The following DPY19L3 variants were observed in gnomAD, a reference collection of about 807,000 sequenced individuals.
DPY19L3 encodes protein C-mannosyl-transferase DPY19L3.
DPY19L3 carries 51 observed loss-of-function variants against 92.3 expected under a neutral mutation model. That is an observed-to-expected ratio of 0.55 (90% CI 0.44 to 0.70). The LOEUF is 0.70. Ranked by LOEUF, DPY19L3 falls within the 30% of genes least tolerant of loss-of-function variation. DPY19L3 has a pLI of 0.00. For synonymous variants in DPY19L3, 309 were observed against 315.2 expected (o/e 0.98, Z 0.21); for missense variants, 706 against 855.9 (o/e 0.82, Z 2.18).
At chr19:32,438,997 G>A in intron 6 of DPY19L3, 115 bp from the exon 7 acceptor site, 1 of 1,083,192 alleles carries the variant, frequency 9.2e-7, no homozygotes, top group Non-Finnish European at 1.3e-6. Flanking sequence ...GAGAACCAGT[G>A]GCCAGAATCT....
intron 16 of DPY19L3, among the ~76,000 whole-genome samples, chr19:32,472,618 C>T (rs970515736): frequency 6.6e-5 from 10 of 151,200 alleles, no homozygotes; most frequent in Non-Finnish European, 7.4e-5. Flanking sequence ...TTAGAAAGCA[C>T]GTTTACCTCA....
intron 8 of DPY19L3, among the ~76,000 whole-genome samples, chr19:32,446,798 T>G (rs770635408): frequency 1.3e-5 from 2 of 152,088 alleles, no homozygotes; most frequent in Non-Finnish European, 2.9e-5. Context: ...CTCTGGACAA[T>G]TGATAGAACA....
intron 16 of DPY19L3, among the ~76,000 whole-genome samples, chr19:32,475,806 G>A (rs1359753300): frequency 6.6e-6 from 1 of 152,204 alleles, no homozygotes; most frequent in African/African-American, 2.4e-5. Flanking sequence ...GGGGAACAGA[G>A]CTAACATCTA....
chr19:32,475,072 G>A (rs1970465851), intron 16 of DPY19L3, among the ~76,000 whole-genome samples: 1 of 152,210 alleles, frequency 6.6e-6, no homozygotes, highest in Non-Finnish European at 1.5e-5. Context: ...AGTCCAGGAG[G>A]CAGGCTGAAA....
chr19:32,426,126 T>C (rs1459001266), intron 3 of DPY19L3, among the ~76,000 whole-genome samples: 2 of 152,236 alleles, frequency 1.3e-5, no homozygotes, highest in Non-Finnish European at 2.9e-5. Context: ...TGCACTTGTA[T>C]GTTAGGGAGA....
At position 32,423,188 on chromosome 19, in the gene DPY19L3, G is replaced by A. The variant is rs187328039; in HGVS notation, c.238-9528G>A. Among the ~76,000 whole-genome samples, 7 of 152,212 alleles carry A rather than the reference G, an allele frequency of 4.6e-5. No homozygotes were observed. The East Asian group carries it at 1.3e-3, about 29-fold the overall frequency. ...ATTAGTGATAGAACAAAATGTGTAT[G>A]ATATAAATAATGTTATATTAGGTAC... On this transcript the variant is annotated intron_variant, in intron 3 of 18. Transcript: ENST00000392250.
chr19:32,470,768 C>T (rs1220604912), intron 16 of DPY19L3, among the ~76,000 whole-genome samples: 1 of 131,272 alleles, frequency 7.6e-6, no homozygotes, highest in African/African-American at 2.8e-5. Flanking sequence ...TTGTAGTAGA[C>T]ATATTCCTTT....
At chr19:32,454,911 A>G in intron 9 of DPY19L3, 28 bp from the exon 10 acceptor site, 1 of 1,408,392 alleles carries the variant, frequency 7.1e-7, no homozygotes, top group Non-Finnish European at 9.7e-7. Context: ...AAACTTAAGA[A>G]TTAAAACATA....
intron 3 of DPY19L3, chr19:32,411,741 T>C (rs909681804): frequency 4.1e-6 from 1 of 243,178 alleles, no homozygotes; most frequent in African/African-American, 2.2e-5. Context: ...CTAATTTTTG[T>C]ATTTTTACTA....
At chr19:32,481,510 G>C (rs1294519732) in intron 18 of DPY19L3, 1 of 152,156 alleles carries the variant, frequency 6.6e-6, no homozygotes, top group Non-Finnish European at 1.5e-5. Flanking sequence ...AACCTTCCAG[G>C]CTCAAGTGAT....
intron 17 of DPY19L3, among the ~76,000 whole-genome samples, chr19:32,480,059 CTG>C (rs1970627055): frequency 6.6e-6 from 1 of 152,166 alleles, no homozygotes; most frequent in African/African-American, 2.4e-5. Flanking sequence ...AAGGTAGAGA[CTG>C]TGTCTTATTT....
chr19:32,416,853 CAA>C (rs1241893466), intron 3 of DPY19L3, among the ~76,000 whole-genome samples: 1 of 152,228 alleles, frequency 6.6e-6, no homozygotes, highest in African/African-American at 2.4e-5. Context: ...AGGCTGGACT[CAA>C]TCTCCAGCCC....
Position 32,464,654 on chromosome 19 carries a change from A to G in DPY19L3, c.1558-74A>G, listed in dbSNP as rs551247178. ...GAATTCCAGGCCAGCCTAGGCAAAC[A>G]TAGCAAGACCCTGTCTCTCAAAAAA... On this transcript the variant is annotated intron_variant, in intron 14 of 18. Coordinates refer to ENST00000392250, the MANE Select transcript of DPY19L3 (RefSeq NM_001172774.2). 5.5e-4 allele frequency: 518 copies of G among 943,982 alleles called. 8 individuals are homozygous for G. The South Asian group carries it at 8.5e-3, about 15-fold the overall frequency. 58.5% of individuals were successfully genotyped at this position (943,982 alleles called of 1,614,324 possible). A position where few individuals can be genotyped will look rare whatever the true frequency, so the allele number is the denominator to read the frequency against.
intron 8 of DPY19L3, among the ~76,000 whole-genome samples, chr19:32,441,936 T>C (rs1415982103): frequency 6.6e-6 from 1 of 152,248 alleles, no homozygotes; most frequent in East Asian, 1.9e-4. Context: ...ACTGTGTTGG[T>C]ATTAGAAGTA....
At position 32,480,610 on chromosome 19, in the gene DPY19L3, G is replaced by A. The variant is rs1599684969; in HGVS notation, c.1989+53G>A. ...GGGTCTCCTGGAGGGGCGGGACTCTGATTTGAATCCTAAGAATGTGAATCT... is the reference window on the plus strand; with the variant it reads ...GGGTCTCCTGGAGGGGCGGGACTCTAATTTGAATCCTAAGAATGTGAATCT... On this transcript the variant is annotated intron_variant, in intron 18 of 18. Transcript: ENST00000392250. 7.8e-6 allele frequency: 12 copies of A among 1,546,582 alleles called. No homozygotes were observed. The South Asian group carries it at 1.1e-4, about 14-fold the overall frequency.
At chr19:32,413,383 CT>C in intron 3 of DPY19L3, among the ~76,000 whole-genome samples, 1 of 151,886 alleles carries the variant, frequency 6.6e-6, no homozygotes, top group Admixed American at 6.6e-5. Context: ...TGCTGTGTTA[CT>C]TTATGGGTAC....
chr19:32,452,906 A>G (rs1051823123), intron 8 of DPY19L3, among the ~76,000 whole-genome samples: 1 of 147,472 alleles, frequency 6.8e-6, no homozygotes, highest in African/African-American at 2.5e-5. Context: ...GGGTTTCACC[A>G]TGTTGGCCAG....
At chr19:32,409,941 AG>A (rs1448975782) in intron 2 of DPY19L3, among the ~76,000 whole-genome samples, 1 of 152,214 alleles carries the variant, frequency 6.6e-6, no homozygotes, top group South Asian at 2.1e-4. Context: ...AAACCACAGC[AG>A]GGTACATGCC....
chr19:32,453,775 C>A (rs1156271633), intron 9 of DPY19L3, among the ~76,000 whole-genome samples: 2 of 151,980 alleles, frequency 1.3e-5, no homozygotes, highest in African/African-American at 4.8e-5. Context: ...TTTTGAGAAT[C>A]CAAATAAATA....
Sources: gnomAD v4.1 joint callset for allele counts (sites outside exome capture counted in the v4.1 genomes callset) on GRCh38, gnomAD v4.1.1 for gene constraint, MANE v1.5 for transcripts, NCBI Gene and HGNC (gene_info 2026-07-23, HGNC 2026-07-21) for gene names.